Variants in LRRC69 observed in about 807,000 individuals in gnomAD.
LRRC69 encodes the protein leucine-rich repeat-containing protein 69.
A neutral mutation model predicts 37.8 loss-of-function variants in LRRC69; 42 were observed. That is an observed-to-expected ratio of 1.11 (90% CI 0.87 to 1.44). The LOEUF is 1.44. Ranked by LOEUF, LRRC69 falls within the 40% of genes most tolerant of loss-of-function variation. LRRC69 has a pLI of 0.00. For synonymous variants in LRRC69, 141 were observed against 143.1 expected (o/e 0.99, Z 0.11); for missense variants, 357 against 401.9 (o/e 0.89, Z 0.96).
rs865885609 is a variant in LRRC69, at chr8:91,217,574, C to G, written c.934-1316C>G. ...ACTAATCACCATTGTCAGAGGGAAG[C>G]AATTGAGTCATTGCCTGGGCCGCAG... On this transcript the variant is annotated intron_variant, in intron 7 of 7. Coordinates refer to ENST00000448384, the Ensembl canonical transcript of LRRC69. Among the ~76,000 whole-genome samples, 7 of 152,150 alleles carry G rather than the reference C, an allele frequency of 4.6e-5. No homozygotes were observed. The South Asian group carries it at 1.5e-3, about 32-fold the overall frequency.
intron 1 of LRRC69, among the ~76,000 whole-genome samples, chr8:91,117,312 A>C (rs971442321): frequency 6.6e-6 from 1 of 151,996 alleles, no homozygotes; most frequent in Non-Finnish European, 1.5e-5. Context: ...TACTAGGTTC[A>C]TTGCAATGAG....
At chr8:91,200,816 T>C (rs905858614) in intron 7 of LRRC69, 24 bp downstream of exon 7, 2 of 1,517,154 alleles carry the variant, frequency 1.3e-6, no homozygotes, top group Admixed American at 2.3e-5. Flanking sequence ...TTTATGCGAA[T>C]ATGAGCATAA....
At chr8:91,154,370 C>T (rs1808795808) in intron 5 of LRRC69, among the ~76,000 whole-genome samples, 1 of 151,884 alleles carries the variant, frequency 6.6e-6, no homozygotes, top group African/African-American at 2.4e-5. Context: ...TCCTCCCTAA[C>T]TCATTTTGTG....
At chr8:91,155,383 A>G (rs1269806550) in intron 5 of LRRC69, among the ~76,000 whole-genome samples, 1 of 150,946 alleles carries the variant, frequency 6.6e-6, no homozygotes, top group Non-Finnish European at 1.5e-5. Context: ...GGGGGTGCAG[A>G]GTGAGATTTT....
chr8:91,188,679 C>G (rs1809441777), intron 5 of LRRC69, among the ~76,000 whole-genome samples: 1 of 152,198 alleles, frequency 6.6e-6, no homozygotes, highest in African/African-American at 2.4e-5. Flanking sequence ...GCAAGATATT[C>G]TGTAAGAGAG....
At position 91,192,459 on chromosome 8, in the gene LRRC69, C is replaced by G. The variant is rs1467981930; in HGVS notation, c.753+2836C>G. ...ATGGTTGAACTAGTTTACAGTCCCA[C>G]CAACAGTGTAAAAGTGTTCCTATTT... On this transcript the variant is annotated intron_variant, in intron 6 of 7. Transcript: ENST00000448384. 2.0e-5 allele frequency among the ~76,000 whole-genome samples: 3 copies of G among 151,588 alleles called. No homozygotes were observed. The East Asian group carries it at 5.8e-4, about 30-fold the overall frequency.
At chr8:91,204,377 G>A (rs1263807915) in intron 7 of LRRC69, among the ~76,000 whole-genome samples, 1 of 152,192 alleles carries the variant, frequency 6.6e-6, no homozygotes, top group Non-Finnish European at 1.5e-5. Flanking sequence ...AGCTAATAGT[G>A]AAAAAAGAAA....
rs963761721 is a variant in LRRC69 at position 91,155,520 on chromosome 8, A to T, written c.651+19781A>T. 2.0e-5 allele frequency among the ~76,000 whole-genome samples: 3 copies of T among 150,926 alleles called. No homozygotes were observed. The South Asian group carries it at 6.2e-4, about 31-fold the overall frequency. On this transcript the variant is annotated intron_variant, in intron 5 of 7. Coordinates refer to ENST00000448384, the Ensembl canonical transcript of LRRC69. ...TCTATTTGAAATTCATCTATTTGAA[A>T]ACATACAATAAATTACTAACTATAG...
intron 1 of LRRC69, among the ~76,000 whole-genome samples, chr8:91,107,030 G>C (rs979426971): frequency 5.3e-5 from 8 of 151,384 alleles, no homozygotes; most frequent in Admixed American, 6.6e-5. Context: ...TTGAACTCCT[G>C]GCTTCAAGCA....
intron 1 of LRRC69, among the ~76,000 whole-genome samples, chr8:91,106,860 A>G (rs1336596243): frequency 6.6e-6 from 1 of 151,272 alleles, no homozygotes; most frequent in Non-Finnish European, 1.5e-5. Context: ...TGGTGTGATC[A>G]TAGCTCACTG....
At chr8:91,107,020 T>C (rs2130473504) in intron 1 of LRRC69, among the ~76,000 whole-genome samples, 1 of 151,918 alleles carries the variant, frequency 6.6e-6, no homozygotes, top group South Asian at 2.1e-4. Context: ...CAGGCTGGTC[T>C]TGAACTCCTG....
rs1809696396 is a variant in LRRC69 at position 91,200,676 on chromosome 8, A to G, written c.817A>G (p.Ile273Val). ...AAATAACCCTTTCCTAATGGATGAC[A>G]TAGAACGGTACCCACAAGTCAGGAG... The change falls in exon 7 of 8, where the codon ATA (isoleucine) becomes GTA (valine). Residue 273 changes from isoleucine to valine, a missense_variant. Coordinates refer to ENST00000448384, the Ensembl canonical transcript of LRRC69. 2 of 1,512,120 alleles carry G rather than the reference A, an allele frequency of 1.3e-6. No homozygotes were observed. The highest frequency in any genetic ancestry group is 2.4e-5 in the Admixed American group (1 of 41,900). 93.7% of individuals were successfully genotyped at this position (1,512,120 alleles called of 1,614,324 possible). A position where few individuals can be genotyped will look rare whatever the true frequency, so the allele number is the denominator to read the frequency against.
intron 5 of LRRC69, among the ~76,000 whole-genome samples, chr8:91,168,436 A>C (rs1409868329): frequency 6.6e-6 from 1 of 151,920 alleles, no homozygotes; most frequent in Non-Finnish European, 1.5e-5. Context: ...CTAGGGAAAA[A>C]TAAATGGAAA....
chr8:91,166,367 G>A lies in LRRC69; in HGVS notation c.652-23155G>A, dbSNP rs563215019. Among the ~76,000 whole-genome samples, 8 of 151,446 alleles carry A rather than the reference G, an allele frequency of 5.3e-5. No individual in the cohort carries two copies. In the South Asian group the frequency reaches 1.7e-3, roughly 31 times the overall value. The stretch of plus-strand genomic sequence containing the variant: ...AACCTTAGACAAATTGTGCTAGAAG[G>A]TGGTATTATTGCTTTCTTGCCACTC... On this transcript the variant is annotated intron_variant, in intron 5 of 7. Transcript: ENST00000448384.
Position 91,187,169 on chromosome 8 carries a change from A to G in LRRC69, c.652-2353A>G, listed in dbSNP as rs1369895490. On this transcript the variant is annotated intron_variant, in intron 5 of 7. Coordinates refer to ENST00000448384, the Ensembl canonical transcript of LRRC69. Reference sequence around the variant, plus strand: ...TCCTGACATCACCTTCACATGCTCTAAATTTGAAGAATTAAGGTCTGGTAT... The same window carrying G: ...TCCTGACATCACCTTCACATGCTCTGAATTTGAAGAATTAAGGTCTGGTAT... 2.6e-5 allele frequency among the ~76,000 whole-genome samples: 4 copies of G among 152,300 alleles called. No individual in the cohort carries two copies. In the East Asian group the frequency reaches 7.7e-4, roughly 29 times the overall value.
At chr8:91,103,152 C>T (rs1161199800) in intron 1 of LRRC69, among the ~76,000 whole-genome samples, 1 of 152,138 alleles carries the variant, frequency 6.6e-6, no homozygotes, top group Non-Finnish European at 1.5e-5. Context: ...AAACCTGGAT[C>T]TGGTCGTCTA....
intron 5 of LRRC69, among the ~76,000 whole-genome samples, chr8:91,174,036 A>AGG (rs1554594426): frequency 9.9e-6 from 1 of 101,146 alleles, no homozygotes; most frequent in African/African-American, 4.3e-5. Flanking sequence ...ACTACATGTT[A>AGG]GTGTAGTACC....
intron 6 of LRRC69, among the ~76,000 whole-genome samples, chr8:91,197,658 C>T (rs1014525203): frequency 6.6e-6 from 1 of 152,140 alleles, no homozygotes; most frequent in Admixed American, 6.5e-5. Flanking sequence ...ACTCCCTGAC[C>T]CCTTGCGCTT....
intron 5 of LRRC69, among the ~76,000 whole-genome samples, chr8:91,182,408 A>G (rs201402457): frequency 2.0e-5 from 3 of 152,212 alleles, no homozygotes; most frequent in South Asian, 4.1e-4. Context: ...TTACTAAAAC[A>G]TTATAATACA....
Sources: allele counts gnomAD v4.1 joint callset (sites outside exome capture counted in the v4.1 genomes callset), GRCh38; gene constraint gnomAD v4.1.1; transcripts MANE v1.5; gene names NCBI Gene and HGNC (gene_info 2026-07-23, HGNC 2026-07-21).